SMAP2: variants seen among roughly 807,000 people sequenced by gnomAD.
The protein encoded by SMAP2 is small ArfGAP2, also known as stromal membrane-associated protein 2.
Under a neutral mutation model 56.4 loss-of-function variants are expected in SMAP2, and 25 were observed. The observed-to-expected ratio is 0.44, with a 90% CI of 0.32 to 0.62. The LOEUF is 0.62. Among genes scored for constraint, SMAP2 ranks in the 20% least tolerant of loss-of-function variants. The pLI is 0.04. For synonymous variants in SMAP2, 157 were observed against 181.7 expected (o/e 0.86, Z 1.09); for missense variants, 388 against 545.6 (o/e 0.71, Z 2.88).
chr1:40,393,271 C>T (rs1644734766), intron 1 of SMAP2: 1 of 1,461,572 alleles, frequency 6.8e-7, no homozygotes, highest in Non-Finnish European at 9.0e-7. Flanking sequence ...GGCTGCACTG[C>T]ACTCTAGCTT....
intron 1 of SMAP2, among the ~76,000 whole-genome samples, chr1:40,345,878 A>G (rs11809717): frequency 3.6e-3 from 339 of 95,014 alleles, no homozygotes; most frequent in African/African-American, 8.9e-3. Flanking sequence ...ATATTGTATT[A>G]TATTGTATTG....
At chr1:40,393,541 CTTT>C (rs35913943) in intron 1 of SMAP2, 72,152 of 788,780 alleles carry the variant, frequency 0.091, 21 homozygotes, top group East Asian at 0.12. Context: ...GTTCTTCTAA[CTTT>C]TTTTTTTTTT....
intron 1 of SMAP2, among the ~76,000 whole-genome samples, chr1:40,381,416 A>G (rs1644596696): frequency 6.6e-6 from 1 of 152,250 alleles, no homozygotes; most frequent in African/African-American, 2.4e-5. Context: ...TCGGGAAGTC[A>G]TGGCTTCAAA....
Position 40,415,266 on chromosome 1 carries a change from T to C in SMAP2, c.572-6T>C. ...GCTGCATCTTAACTTCGATCTCTCT[T>C]TCTAGATGCTCCTGTGGCCTGCTCC... is the stretch of plus-strand genomic sequence containing the variant. On this transcript the variant is annotated splice_polypyrimidine_tract_variant and splice_region_variant and intron_variant, in intron 6 of 9. Transcript: ENST00000372718. 1 of 1,606,818 alleles carries C rather than the reference T, an allele frequency of 6.2e-7. No individual in the cohort carries two copies.
At chr1:40,391,883 A>C (rs968525087) in intron 1 of SMAP2, among the ~76,000 whole-genome samples, 2 of 152,188 alleles carry the variant, frequency 1.3e-5, no homozygotes, top group Non-Finnish European at 2.9e-5. Context: ...AAATGTAAAG[A>C]ACTGAATGTC....
At chr1:40,363,477 G>A (rs186345003) in intron 2 of SMAP2, among the ~76,000 whole-genome samples, 2 of 152,052 alleles carry the variant, frequency 1.3e-5, no homozygotes, top group African/African-American at 4.8e-5. Context: ...AAAACTATGT[G>A]CATGTTTTTA....
At chr1:40,400,380 G>C (rs1035336876) in intron 1 of SMAP2, among the ~76,000 whole-genome samples, 1 of 152,346 alleles carries the variant, frequency 6.6e-6, no homozygotes, top group African/African-American at 2.4e-5. Context: ...AAGAGCTCAA[G>C]TTGGCTGTTT....
In SMAP2 at chr1:40,374,419, CTG is replaced by C. The variant is rs1644521153; in HGVS notation, c.103+204_103+205del. On this transcript the variant is annotated intron_variant, in intron 1 of 9. Transcript: ENST00000372718. The surrounding 1 kb of genome is among the most constrained non-coding windows in gnomAD (Gnocchi z 5.9). ...ATGGGTAGAGCTTGCGAGGGCGAGT[CTG>C]TGTGTGTCGGGGAGGGTGGAGGTGA... Among the ~76,000 whole-genome samples the C allele has an allele frequency of 6.6e-6, 1 of 152,038 alleles. No homozygotes were observed. Among genetic ancestry groups the C allele is most frequent in the East Asian group, 1.9e-4 (1 of 5,150 alleles).
intron 1 of SMAP2, among the ~76,000 whole-genome samples, chr1:40,355,847 C>T (rs571466099): frequency 4.8e-5 from 7 of 147,052 alleles, no homozygotes; most frequent in South Asian, 2.1e-4. Flanking sequence ...TGGGCTCAAA[C>T]GACCCACCTG....
chr1:40,417,460 A>G (rs2235702), intron 9 of SMAP2, among the ~76,000 whole-genome samples: 22,670 of 152,176 alleles, frequency 0.15, 2,053 homozygotes, highest in African/African-American at 0.26. Flanking sequence ...GGCAATGGGC[A>G]TATAAACACC....
rs139948582 is a variant in SMAP2 at position 40,354,397 on chromosome 1, G to A, written c.-82-7903G>A. ...GCTCTGTCGCCCAGGCTGGAGTGCA[G>A]TGGCGTGATCCCGGCTCACTGATCT... is the stretch of plus-strand genomic sequence containing the variant. On this transcript the variant is annotated intron_variant, in intron 1 of 6. Transcript: ENST00000435168. Among the ~76,000 whole-genome samples, 378 of 152,262 alleles carry A rather than the reference G, an allele frequency of 2.5e-3. 1 individual carries two copies. The highest frequency in any genetic ancestry group is 8.7e-3 in the African/African-American group (360 of 41,544).
intron 6 of SMAP2, 35 bp downstream of exon 6, chr1:40,414,275 C>G: frequency 1.3e-6 from 2 of 1,596,752 alleles, no homozygotes; most frequent in Non-Finnish European, 8.6e-7. Context: ...CATGTTCTTA[C>G]AAATTTTGAT....
At chr1:40,361,750 C>T (rs77880053) in intron 1 of SMAP2, among the ~76,000 whole-genome samples, 8,030 of 152,060 alleles carry the variant, frequency 0.053, 332 homozygotes, top group East Asian at 0.18. Context: ...TCTGCTTGAG[C>T]AAAGGGAAAG....
In SMAP2 at chr1:40,345,451, T is replaced by C. The variant is rs186518712; in HGVS notation, c.-83+541T>C. The stretch of plus-strand genomic sequence containing the variant: ...CTCTTAAAAACGCTCTATCAATTCA[T>C]CCACACACACCCCCACCACACACAA... On this transcript the variant is annotated intron_variant, in intron 1 of 6. Coordinates refer to the SMAP2 transcript ENST00000435168. Among the ~76,000 whole-genome samples the C allele has an allele frequency of 4.9e-4, 74 of 151,558 alleles. 2 individuals carry two copies. The East Asian group carries it at 9.7e-3, about 20-fold the overall frequency.
chr1:40,371,247 C>A (rs930724877), upstream of SMAP2, among the ~76,000 whole-genome samples: 2 of 151,802 alleles, frequency 1.3e-5, no homozygotes, highest in Non-Finnish European at 2.9e-5. Context: ...ACAGAGTGAA[C>A]ATTTTTGCAA....
chr1:40,379,104 C>T (rs1040657044), intron 1 of SMAP2, among the ~76,000 whole-genome samples: 6 of 151,376 alleles, frequency 4.0e-5, no homozygotes, highest in African/African-American at 1.5e-4. Flanking sequence ...CTCAGCCTCT[C>T]GAGTAGCTGG....
intron 1 of SMAP2, among the ~76,000 whole-genome samples, chr1:40,387,775 C>T (rs1390597503): frequency 6.6e-6 from 1 of 152,020 alleles, no homozygotes; most frequent in Non-Finnish European, 1.5e-5. Flanking sequence ...CCCTTCAGCC[C>T]ACTGCTGCAC....
In SMAP2 at chr1:40,386,892, C is replaced by T. The variant is rs116524403; in HGVS notation, c.103+12669C>T. On this transcript the variant is annotated intron_variant, in intron 1 of 9. Transcript: ENST00000372718. The surrounding 1 kb of genome is among the most constrained non-coding windows in gnomAD (Gnocchi z 4.1). ...TTTTTGGAGACAAGGTCTCTCGCTC[C>T]GTCGCCCAAGCTGGAGTACAGTGGC... is the stretch of plus-strand genomic sequence containing the variant. Among the ~76,000 whole-genome samples the T allele has an allele frequency of 0.036, 5,272 of 147,758 alleles. 315 individuals carry two copies. Among genetic ancestry groups the T allele is most frequent in the African/African-American group, 0.12 (4,957 of 39,666 alleles).
intron 1 of SMAP2, among the ~76,000 whole-genome samples, chr1:40,355,255 T>C (rs1046022954): frequency 3.9e-5 from 6 of 152,186 alleles, no homozygotes; most frequent in Admixed American, 6.5e-5. Flanking sequence ...GTTATGATAG[T>C]GGTGCTTTTG....
Sources: gnomAD v4.1 joint callset for allele counts (sites outside exome capture counted in the v4.1 genomes callset) on GRCh38, gnomAD v4.1.1 for gene constraint, Gnocchi (gnomAD v3.1) non-coding constraint, MANE v1.5 for transcripts, NCBI Gene and HGNC (gene_info 2026-07-23, HGNC 2026-07-21) for gene names.